The following MAN1C1 variants were observed in gnomAD, a reference collection of about 807,000 sequenced individuals.
MAN1C1 encodes mannosyl-oligosaccharide 1,2-alpha-mannosidase IC.
MAN1C1 carries 49 observed loss-of-function variants against 71.5 expected under a neutral mutation model. The ratio of observed to expected loss-of-function variants is 0.69; its 90% CI spans 0.54 to 0.87. The LOEUF is 0.87. MAN1C1 is among the 40% of genes least tolerant of loss of function. The pLI is 0.00. For synonymous variants in MAN1C1, 352 were observed against 343.7 expected, an observed-to-expected ratio of 1.02 and a Z score of -0.27; for missense variants, 743 against 835.0, an observed-to-expected ratio of 0.89 and a Z score of 1.36.
intron 1 of MAN1C1, among the ~76,000 whole-genome samples, chr1:25,626,237 A>G (rs1356772823): frequency 6.6e-6 from 1 of 152,116 alleles, no homozygotes; most frequent in African/African-American, 2.4e-5. Context: ...CCTTGCCAAC[A>G]CTTGTTATTG....
chr1:25,641,912 C>T (rs2045543400), intron 1 of MAN1C1, among the ~76,000 whole-genome samples: 1 of 152,194 alleles, frequency 6.6e-6, no homozygotes, highest in Non-Finnish European at 1.5e-5. Flanking sequence ...AAAACACCTA[C>T]CATCTATTGA....
intron 1 of MAN1C1, among the ~76,000 whole-genome samples, chr1:25,671,124 C>T (rs1055450567): frequency 1.3e-5 from 2 of 152,214 alleles, no homozygotes; most frequent in African/African-American, 4.8e-5. Context: ...AGCGATCCAC[C>T]TGCCTCGGCC....
intron 1 of MAN1C1, among the ~76,000 whole-genome samples, chr1:25,632,405 A>C (rs2045394182): frequency 6.6e-6 from 1 of 152,060 alleles, no homozygotes; most frequent in East Asian, 1.9e-4. Flanking sequence ...TTTCTTGGTT[A>C]ATCTAGCTAA....
chr1:25,767,551 A>ATC (rs1177759959), intron 7 of MAN1C1, among the ~76,000 whole-genome samples: 1 of 114,882 alleles, frequency 8.7e-6, no homozygotes, highest in African/African-American at 3.5e-5. Flanking sequence ...CTCCCCTCAC[A>ATC]CACACTCCCC....
intron 2 of MAN1C1, among the ~76,000 whole-genome samples, chr1:25,726,637 T>C (rs1038754702): frequency 6.6e-6 from 1 of 152,172 alleles, no homozygotes; most frequent in Admixed American, 6.5e-5. Flanking sequence ...ATTCGGGCCA[T>C]GGTTCCTGCT....
In MAN1C1 at chr1:25,618,194, A is replaced by T; in HGVS notation, c.397A>T (p.Arg133Trp). 6.3e-7 allele frequency: 1 copy of T among 1,582,512 alleles called. No individual in the cohort carries two copies. Among genetic ancestry groups the T allele is most frequent in the South Asian group, 1.1e-5 (1 of 87,026 alleles). The change falls in exon 1 of 12, where the codon AGG (arginine) becomes TGG (tryptophan). Residue 133 changes from arginine to tryptophan, a missense_variant. Coordinates refer to ENST00000374332, the MANE Select transcript of MAN1C1 (RefSeq NM_020379.4). ...AARGNSIPAS[R>W]PGDEGVPFRF... ...CCGGGGCAATAGCATCCCGGCCTCCAGGCCCGGGGACGAGGGCGTCCCTTT... is the reference window on the plus strand; with the variant it reads ...CCGGGGCAATAGCATCCCGGCCTCCTGGCCCGGGGACGAGGGCGTCCCTTT...
chr1:25,691,231 C>T (rs1350394452), intron 2 of MAN1C1, among the ~76,000 whole-genome samples: 2 of 152,134 alleles, frequency 1.3e-5, no homozygotes, highest in African/African-American at 4.8e-5. Context: ...GCAGGAGAAT[C>T]GCATGAACCC....
chr1:25,699,839 T>A (rs964891396), intron 2 of MAN1C1, among the ~76,000 whole-genome samples: 1 of 152,132 alleles, frequency 6.6e-6, no homozygotes, highest in Non-Finnish European at 1.5e-5. Flanking sequence ...CATGGCCACC[T>A]CTCTGGAAGG....
At chr1:25,681,722 C>CAGAA (rs1430338588) in intron 1 of MAN1C1, among the ~76,000 whole-genome samples, 1 of 152,170 alleles carries the variant, frequency 6.6e-6, no homozygotes, top group East Asian at 1.9e-4. Context: ...AAACTGTTCT[C>CAGAA]CAAAGTGGCC....
At chr1:25,754,413 C>G (rs1306089950) in intron 5 of MAN1C1, among the ~76,000 whole-genome samples, 1 of 152,204 alleles carries the variant, frequency 6.6e-6, no homozygotes, top group Non-Finnish European at 1.5e-5. Flanking sequence ...AAGGGCTTCA[C>G]CACCTTTCTC....
chr1:25,626,232 C>T (rs1441322358), intron 1 of MAN1C1, among the ~76,000 whole-genome samples: 5 of 152,200 alleles, frequency 3.3e-5, no homozygotes, highest in East Asian at 1.9e-4. Flanking sequence ...CGCATCCTTG[C>T]CAACACTTGT....
rs1045062052 is a variant in MAN1C1 at position 25,753,413 on chromosome 1, G to A, written c.835-71G>A. 1.7e-6 allele frequency: 2 copies of A among 1,188,258 alleles called. No homozygotes were observed. The highest frequency in any genetic ancestry group is 2.4e-6 in the Non-Finnish European group (2 of 830,094). The allele number at this position is 1,188,258 out of a possible 1,614,324, so 73.6% of individuals were successfully genotyped here. ...CAGCCCTGGGGGGTTCATCCTGCCT[G>A]CAGCAGTTCTGGGGTTGACCTTCCC... On this transcript the variant is annotated intron_variant, in intron 4 of 11. Coordinates refer to ENST00000374332, the MANE Select transcript of MAN1C1 (RefSeq NM_020379.4). The surrounding 1 kb of genome is among the most constrained non-coding windows in gnomAD (Gnocchi z 4.9).
chr1:25,685,112 G>C (rs2046211566), intron 1 of MAN1C1, among the ~76,000 whole-genome samples: 1 of 152,242 alleles, frequency 6.6e-6, no homozygotes. Context: ...AATCGAGCTA[G>C]TGCTTGTCAA....
At chr1:25,691,509 A>G (rs972413942) in intron 2 of MAN1C1, among the ~76,000 whole-genome samples, 1 of 152,248 alleles carries the variant, frequency 6.6e-6, no homozygotes, top group African/African-American at 2.4e-5. Flanking sequence ...GAGTTCACAC[A>G]CATGAAGTGC....
chr1:25,781,456 G>A (rs1020425190), intron 10 of MAN1C1, among the ~76,000 whole-genome samples: 2 of 152,166 alleles, frequency 1.3e-5, no homozygotes, highest in East Asian at 1.9e-4. Context: ...CCCAACAGAC[G>A]CTTTCCTGAT....
chr1:25,627,361 A>G (rs888490937), intron 1 of MAN1C1, among the ~76,000 whole-genome samples: 1 of 150,892 alleles, frequency 6.6e-6, no homozygotes, highest in Non-Finnish European at 1.5e-5. Flanking sequence ...AGCTCACTCC[A>G]CCTCCCAGAT....
intron 2 of MAN1C1, among the ~76,000 whole-genome samples, chr1:25,693,156 C>T (rs561896413): frequency 2.0e-5 from 3 of 152,070 alleles, no homozygotes; most frequent in Non-Finnish European, 2.9e-5. Flanking sequence ...ATTATAATAA[C>T]ATAAGCTAGA....
intron 1 of MAN1C1, among the ~76,000 whole-genome samples, chr1:25,662,081 G>C (rs889952415): frequency 6.6e-6 from 1 of 152,154 alleles, no homozygotes; most frequent in African/African-American, 2.4e-5. Flanking sequence ...CTCTCTCTCT[G>C]TTGTCCCCTC....
At chr1:25,656,026 C>G (rs953434519) in intron 1 of MAN1C1, among the ~76,000 whole-genome samples, 1 of 145,628 alleles carries the variant, frequency 6.9e-6, no homozygotes, top group African/African-American at 2.6e-5. Flanking sequence ...GCTGCCTCCT[C>G]TTTTTGGGAG....
Sources: allele counts gnomAD v4.1 joint callset (sites outside exome capture counted in the v4.1 genomes callset), GRCh38; gene constraint gnomAD v4.1.1; non-coding constraint Gnocchi (gnomAD v3.1); transcripts MANE v1.5; gene names NCBI Gene and HGNC (gene_info 2026-07-23, HGNC 2026-07-21).